Variants in FRMPD4 observed in about 807,000 individuals in gnomAD.
The protein encoded by FRMPD4 is FERM and PDZ domain containing 4.
A neutral mutation model predicts 94.1 loss-of-function variants in FRMPD4; 22 were observed. The ratio of observed to expected loss-of-function variants is 0.23; its 90% CI spans 0.17 to 0.33. The LOEUF is 0.33. Among genes scored for constraint, FRMPD4 ranks in the 10% least tolerant of loss-of-function variants. FRMPD4 has a pLI of 1.00. For synonymous variants in FRMPD4, 631 were observed against 548.6 expected, an observed-to-expected ratio of 1.15 and a Z score of -2.10; for missense variants, 1,111 against 1,339.9, an observed-to-expected ratio of 0.83 and a Z score of 2.67.
intron 1 of FRMPD4, among the ~76,000 whole-genome samples, chrX:12,248,748 A>C (rs1452618791): frequency 8.9e-6 from 1 of 112,509 alleles, no homozygotes; most frequent in African/African-American, 3.2e-5. Context: ...ACATATATTA[A>C]GAAAACAAGG....
chrX:12,247,093 G>A (rs1045777535), intron 1 of FRMPD4, among the ~76,000 whole-genome samples: 1 of 111,412 alleles, frequency 9.0e-6, no homozygotes, highest in Non-Finnish European at 1.9e-5. Context: ...CTAGAGCAAG[G>A]ATTCTCAACA....
chrX:12,199,446 A>G (rs2056606768), intron 1 of FRMPD4, among the ~76,000 whole-genome samples: 1 of 111,351 alleles, frequency 9.0e-6, no homozygotes, highest in Admixed American at 9.6e-5. Flanking sequence ...TAGGCAGTTA[A>G]GTTCACTACC....
chrX:12,274,171 A>T (rs1012847064), intron 1 of FRMPD4, among the ~76,000 whole-genome samples: 18 of 110,861 alleles, frequency 1.6e-4, no homozygotes, highest in African/African-American at 5.6e-4. Context: ...AGACTTAGGT[A>T]TCTACTCTTT....
At chrX:11,967,756 G>GTGTGTGTGTTTTTTTT (rs36019385) in intron 3 of FRMPD4, among the ~76,000 whole-genome samples, 2 of 65,554 alleles carry the variant, frequency 3.1e-5, no homozygotes, top group African/African-American at 1.1e-4. Context: ...GTGTGTGTGT[G>GTGTGTGTGTTTTTTTT]TTTTTTTTTT....
intron 1 of FRMPD4, among the ~76,000 whole-genome samples, chrX:12,286,108 A>G (rs2054596081): frequency 8.9e-6 from 1 of 112,236 alleles, no homozygotes; most frequent in Non-Finnish European, 1.9e-5. Flanking sequence ...TGCATTTTAT[A>G]TACATTTAGA....
intron 1 of FRMPD4, among the ~76,000 whole-genome samples, chrX:12,449,231 A>C (rs962552537): frequency 5.3e-5 from 6 of 112,251 alleles, no homozygotes; most frequent in Non-Finnish European, 1.1e-4. Context: ...ATTATTCTTA[A>C]AACTTTTTTT....
chrX:12,249,241 T>G (rs1282111085), intron 1 of FRMPD4, among the ~76,000 whole-genome samples: 1 of 110,022 alleles, frequency 9.1e-6, no homozygotes, highest in East Asian at 2.9e-4. Context: ...ACACAAGGCA[T>G]TTTTCAGTGT....
At chrX:12,155,577 C>G (rs1400381106) in intron 1 of FRMPD4, among the ~76,000 whole-genome samples, 1 of 52,481 alleles carries the variant, frequency 1.9e-5, no homozygotes, top group Non-Finnish European at 2.9e-5. Context: ...GTAGCATATC[C>G]TCACAAAAAA....
At chrX:12,181,842 C>T (rs2056362593) in intron 1 of FRMPD4, among the ~76,000 whole-genome samples, 2 of 111,804 alleles carry the variant, frequency 1.8e-5, no homozygotes, top group Admixed American at 9.5e-5. Flanking sequence ...CTATCTCTGC[C>T]TCTCAGCCTC....
intron 1 of FRMPD4, among the ~76,000 whole-genome samples, chrX:12,341,113 C>T (rs1289744662): frequency 1.8e-5 from 2 of 112,041 alleles, no homozygotes; most frequent in African/African-American, 6.5e-5. Context: ...TTTTAAATCT[C>T]TAAAATGACT....
intron 3 of FRMPD4, among the ~76,000 whole-genome samples, chrX:12,131,821 A>C (rs1478930109): frequency 1.8e-5 from 2 of 112,099 alleles, no homozygotes; most frequent in African/African-American, 6.5e-5. Flanking sequence ...GTCATCCCTA[A>C]AATGGGATAA....
At chrX:12,688,745 C>CTTTTTTTTTTTTTTTTT (rs371548205) in intron 7 of FRMPD4, among the ~76,000 whole-genome samples, 1 of 92,042 alleles carries the variant, frequency 1.1e-5, no homozygotes, top group Non-Finnish European at 2.1e-5. Flanking sequence ...GCAGGGAAAT[C>CTTTTTTTTTTTTTTTTT]TTTTTTTTTT....
intron 1 of FRMPD4, among the ~76,000 whole-genome samples, chrX:12,337,451 GTGTC>G (rs1036681080): frequency 8.9e-6 from 1 of 112,135 alleles, no homozygotes; most frequent in African/African-American, 3.2e-5. Flanking sequence ...AATATTTTAA[GTGTC>G]TGGTTTATGA....
At chrX:12,191,644 A>C (rs1002492664) in intron 1 of FRMPD4, among the ~76,000 whole-genome samples, 1 of 107,092 alleles carries the variant, frequency 9.3e-6, no homozygotes, top group African/African-American at 3.3e-5. Context: ...CAATGTGAGA[A>C]GGCTATAATA....
intron 1 of FRMPD4, among the ~76,000 whole-genome samples, chrX:12,236,299 A>T (rs144455558): frequency 5.8e-4 from 65 of 111,620 alleles, no homozygotes; most frequent in Admixed American, 4.7e-3. Flanking sequence ...ATGTGGAAAA[A>T]CTTTGAAAAC....
chrX:12,609,031 G>A (rs1215083175), intron 2 of FRMPD4, among the ~76,000 whole-genome samples: 1 of 112,253 alleles, frequency 8.9e-6, no homozygotes, highest in Non-Finnish European at 1.9e-5. Context: ...CATATATTTT[G>A]TATGTTATAT....
intron 2 of FRMPD4, among the ~76,000 whole-genome samples, chrX:12,552,960 A>G (rs894537097): frequency 2.7e-5 from 3 of 111,735 alleles, no homozygotes; most frequent in Admixed American, 9.5e-5. Context: ...GTTTGAGATC[A>G]GCCTGGGCAA....
chrX:12,237,615 T>C (rs1191478287), intron 1 of FRMPD4, among the ~76,000 whole-genome samples: 3 of 112,268 alleles, frequency 2.7e-5, no homozygotes, highest in Non-Finnish European at 5.6e-5. Context: ...AAGTTGGTCA[T>C]TCAAATATTT....
intron 3 of FRMPD4, among the ~76,000 whole-genome samples, chrX:12,085,647 G>C (rs1003809387): frequency 8.9e-6 from 1 of 112,112 alleles, no homozygotes; most frequent in African/African-American, 3.2e-5. Flanking sequence ...TGAGGCAGGA[G>C]GCTTATTTGA....
Sources: gnomAD v4.1 joint callset for allele counts (sites outside exome capture counted in the v4.1 genomes callset) on GRCh38, gnomAD v4.1.1 for gene constraint, MANE v1.5 for transcripts, NCBI Gene and HGNC (gene_info 2026-07-23, HGNC 2026-07-21) for gene names.